The following SULF2 variants were observed in gnomAD, a reference collection of about 807,000 sequenced individuals.
The protein encoded by SULF2 is sulfatase 2.
A neutral mutation model predicts 107.7 loss-of-function variants in SULF2; 52 were observed. That is an observed-to-expected ratio of 0.48 (90% CI 0.39 to 0.61). The LOEUF is 0.61. Ranked by LOEUF, SULF2 falls within the 20% of genes least tolerant of loss-of-function variation. The pLI, the probability that SULF2 is intolerant of heterozygous loss-of-function variation, is 0.00. For missense variants in SULF2, 993 were observed against 1,177.3 expected (o/e 0.84, Z 2.29); for synonymous variants, 460 against 464.3 (o/e 0.99, Z 0.12).
At chr20:47,745,402 A>AGG (rs1568892372) in intron 2 of SULF2, among the ~76,000 whole-genome samples, 28 of 26,848 alleles carry the variant, frequency 1.0e-3, no homozygotes, top group Non-Finnish European at 1.5e-3. Context: ...AAAAAAAAAA[A>AGG]AAAAAAAAAT....
rs2087801860 is a variant in SULF2 at position 47,680,817 on chromosome 20, CA to C, written c.1065-2014del. Among the ~76,000 whole-genome samples, 1 of 152,214 alleles carries C rather than the reference CA, an allele frequency of 6.6e-6. No individual in the cohort carries two copies. The highest frequency in any genetic ancestry group is 1.5e-5 in the Non-Finnish European group (1 of 68,040). Reference sequence around the variant, plus strand: ...TCCAGTGGTCCCGCTCCCCCAGGCTCAGGGGAAGGAGGACAGTGGTTGCTTT... The same window carrying C: ...TCCAGTGGTCCCGCTCCCCCAGGCTCGGGGAAGGAGGACAGTGGTTGCTTT... On this transcript the variant is annotated intron_variant, in intron 7 of 20. Transcript: ENST00000688720. This position sits in a 1 kb window ranked among gnomAD's most constrained non-coding sequence, Gnocchi z 4.2.
intron 4 of SULF2, among the ~76,000 whole-genome samples, chr20:47,691,802 G>A (rs1047123456): frequency 5.9e-5 from 9 of 152,224 alleles, no homozygotes; most frequent in Admixed American, 3.9e-4. Context: ...TTGGGCAAGA[G>A]GAGAGAAGAG....
intron 1 of SULF2, among the ~76,000 whole-genome samples, chr20:47,784,502 T>C (rs924798845): frequency 2.0e-5 from 3 of 151,292 alleles, no homozygotes; most frequent in African/African-American, 4.9e-5. Context: ...CCGAGGCCAG[T>C]GTGCAAACTA....
chr20:47,744,676 ACACTGTTATCCACTGTGGC>A (rs1216948916), intron 2 of SULF2, among the ~76,000 whole-genome samples: 3 of 152,076 alleles, frequency 2.0e-5, no homozygotes, highest in Non-Finnish European at 4.4e-5. Flanking sequence ...TGTTGGGATA[ACACTGTTATCCACTGTGGC>A]CACTGTTGTG....
chr20:47,674,134 A>C (rs77372079), intron 10 of SULF2, among the ~76,000 whole-genome samples: 1 of 152,254 alleles, frequency 6.6e-6, no homozygotes, highest in Non-Finnish European at 1.5e-5. Flanking sequence ...AACAAAAACA[A>C]ATATGTGGCC....
chr20:47,665,643 G>A (rs1423388157), intron 13 of SULF2, among the ~76,000 whole-genome samples: 1 of 152,226 alleles, frequency 6.6e-6, no homozygotes, highest in South Asian at 2.1e-4. Context: ...GGACAACGTG[G>A]CTAAGCCATC....
chr20:47,687,250 G>C (rs1013394468), intron 5 of SULF2, among the ~76,000 whole-genome samples: 2 of 152,142 alleles, frequency 1.3e-5, no homozygotes, highest in Admixed American at 6.5e-5. Context: ...CAGCAGAGCC[G>C]GGTGGTGCTT....
chr20:47,706,075 A>C (rs1193786121), intron 3 of SULF2, among the ~76,000 whole-genome samples: 2 of 152,156 alleles, frequency 1.3e-5, no homozygotes, highest in African/African-American at 4.8e-5. Context: ...CTGGGACTAC[A>C]GATGTGAGCC....
At chr20:47,760,000 G>A (rs563665547) in intron 1 of SULF2, among the ~76,000 whole-genome samples, 28 of 152,340 alleles carry the variant, frequency 1.8e-4, no homozygotes, top group South Asian at 1.2e-3. Context: ...ATAAAGGAAC[G>A]GAGGTTCTGC....
In SULF2 at chr20:47,661,834, C is replaced by T. The variant is rs2087084312; in HGVS notation, c.2433G>A (p.Met811Ile). ...DVLNQLHVQL[M>I]ELRSCKGYKQ... ...TGTAACCCTTGCAGCTCCTCAGCTC[C>T]ATGAGCTGTACGTGTAGCTGGTTGA... Residue 811 changes from methionine (M) to isoleucine (I), a missense_variant, in exon 18 of 21, where the codon ATG becomes ATA. Met to Ile is a conservative substitution (Grantham distance 10, BLOSUM62 1). Around this residue, in one of 3 missense-constraint regions of SULF2, gnomAD observed 497 missense variants for 544.1 expected, o/e 0.91. Coordinates refer to ENST00000688720, the MANE Select transcript of SULF2 (RefSeq NM_001387048.1). 1 of 1,595,450 alleles carries T rather than the reference C, an allele frequency of 6.3e-7. No homozygotes were observed. The highest frequency in any genetic ancestry group is 1.3e-5 in the African/African-American group (1 of 74,720).
chr20:47,676,615 A>G lies in SULF2; in HGVS notation c.1259T>C (p.Leu420Pro). 6.4e-7 allele frequency: 1 copy of G among 1,552,390 alleles called. No homozygotes were observed. The highest frequency in any genetic ancestry group is 8.7e-7 in the Non-Finnish European group (1 of 1,148,266). The change falls in exon 10 of 21, where the codon CTA becomes CCA. Residue 420 changes from leucine to proline, a missense_variant. Coordinates refer to ENST00000688720, the MANE Select transcript of SULF2 (RefSeq NM_001387048.1). ...DSFLVERGKLLHKRDNDKVDA... is the reference protein window; with the variant it reads ...DSFLVERGKLPHKRDNDKVDA... The stretch of plus-strand genomic sequence containing the variant: ...CACCTTGTCATTGTCTCTCTTGTGT[A>G]GCAGCTTGCTATGGGGCAGAGAGCA...
intron 1 of SULF2, among the ~76,000 whole-genome samples, chr20:47,780,478 G>A (rs886831151): frequency 6.6e-6 from 1 of 152,070 alleles, no homozygotes; most frequent in African/African-American, 2.4e-5. Context: ...CAGTTCAAAG[G>A]TCACATCCTC....
At chr20:47,776,909 C>T (rs573653055) in intron 1 of SULF2, among the ~76,000 whole-genome samples, 88 of 152,290 alleles carry the variant, frequency 5.8e-4, no homozygotes, top group African/African-American at 1.9e-3. Context: ...CAGTCACCTT[C>T]GAGCAAACAT....
At chr20:47,720,435 T>C (rs1273435071) in intron 3 of SULF2, among the ~76,000 whole-genome samples, 1 of 152,068 alleles carries the variant, frequency 6.6e-6, no homozygotes, top group Admixed American at 6.6e-5. Context: ...CTTTTGTATT[T>C]TTAGTAGAGA....
At chr20:47,717,374 T>A (rs1474955935) in intron 3 of SULF2, among the ~76,000 whole-genome samples, 1 of 152,124 alleles carries the variant, frequency 6.6e-6, no homozygotes, top group East Asian at 1.9e-4. Context: ...CAATCCCAGG[T>A]TGTCTGTCTC....
At chr20:47,735,553 G>A (rs2089708728) in intron 3 of SULF2, among the ~76,000 whole-genome samples, 1 of 152,150 alleles carries the variant, frequency 6.6e-6, no homozygotes, top group Non-Finnish European at 1.5e-5. Flanking sequence ...ATCATCTAGG[G>A]TGGTGGCCAT....
rs778375859 is a variant in SULF2, at chr20:47,661,765, C to T, written c.2494+8G>A. 6.5e-7 allele frequency: 1 copy of T among 1,527,038 alleles called. No individual in the cohort carries two copies. Among genetic ancestry groups the T allele is most frequent in the Non-Finnish European group, 8.9e-7 (1 of 1,121,836 alleles). 94.6% of individuals were successfully genotyped at this position (1,527,038 alleles called of 1,614,324 possible). A position where few individuals can be genotyped will look rare whatever the true frequency, so the allele number is the denominator to read the frequency against. ...GTCCAAGGGCCCCACGTTGGGGTGC[C>T]TACTCACCCAGGTCCATGTTTCGAG... On this transcript the variant is annotated splice_region_variant and intron_variant, in intron 18 of 20. Transcript: ENST00000688720.
At chr20:47,702,459 G>T in intron 4 of SULF2, 60 bp downstream of exon 4, 1 of 1,574,856 alleles carries the variant, frequency 6.3e-7, no homozygotes, top group Non-Finnish European at 8.6e-7. Context: ...TGGCTCCTGA[G>T]TTGGGCCTCT....
In SULF2 at chr20:47,741,433, C is replaced by T. The variant is rs192119607; in HGVS notation, c.176-4491G>A. 1.4e-3 allele frequency among the ~76,000 whole-genome samples: 211 copies of T among 152,276 alleles called. 1 individual carries two copies. The highest frequency in any genetic ancestry group is 4.6e-3 in the African/African-American group (191 of 41,534). On this transcript the variant is annotated intron_variant, in intron 2 of 20. Transcript: ENST00000688720. ...TGTCTTTACTCAAAAGTTCCCTTCT[C>T]CGTGGAGTCTTCCCTGGCCCCCAAT...
Sources: allele counts gnomAD v4.1 joint callset (sites outside exome capture counted in the v4.1 genomes callset), GRCh38; gene constraint gnomAD v4.1.1; regional missense constraint gnomAD v4.1.1; non-coding constraint Gnocchi (gnomAD v3.1); transcripts MANE v1.5; gene names NCBI Gene and HGNC (gene_info 2026-07-23, HGNC 2026-07-21).